ZNF236: variants seen among roughly 807,000 people sequenced by gnomAD.
ZNF236 encodes the protein regulated by glucose.
ZNF236 carries 50 observed loss-of-function variants against 191.2 expected under a neutral mutation model. That is an observed-to-expected ratio of 0.26 (90% CI 0.21 to 0.33). The LOEUF (loss-of-function observed/expected upper bound fraction) is 0.33. ZNF236 is among the 10% of genes least tolerant of loss of function. ZNF236 has a pLI of 1.00. For synonymous variants in ZNF236, 907 were observed against 928.8 expected, an observed-to-expected ratio of 0.98 and a Z score of 0.43; for missense variants, 1,754 against 2,374.5, an observed-to-expected ratio of 0.74 and a Z score of 5.43.
chr18:76,920,007 A>G lies in ZNF236; in HGVS notation c.3506A>G (p.Asn1169Ser), dbSNP rs1967488873. ...CTGCAGGACGAGCCCAAGCACGCCA[A>G]CTGCTGCACATACTGCCCCAAGAGC... ...AELQDEPKHA[N>S]CCTYCPKSFK... The change falls in exon 20 of 31, where the codon AAC (asparagine) becomes AGC (serine). Residue 1169 changes from asparagine to serine, a missense_variant. Physicochemically the swap from Asn to Ser is conservative, Grantham distance 46. Coordinates refer to ENST00000320610, the MANE Select transcript of ZNF236 (RefSeq NM_001306089.2). 1 of 1,613,344 alleles carries G rather than the reference A, an allele frequency of 6.2e-7. No individual in the cohort carries two copies. The highest frequency in any genetic ancestry group is 1.3e-5 in the African/African-American group (1 of 75,022).
At chr18:76,893,309 T>G (rs962889841) in intron 9 of ZNF236, among the ~76,000 whole-genome samples, 2 of 152,196 alleles carry the variant, frequency 1.3e-5, no homozygotes, top group Non-Finnish European at 2.9e-5. Flanking sequence ...TACCTGTTAA[T>G]TTTAAGCAGT....
intron 27 of ZNF236, among the ~76,000 whole-genome samples, chr18:76,952,997 G>A (rs925886841): frequency 1.3e-5 from 2 of 152,088 alleles, no homozygotes; most frequent in Non-Finnish European, 2.9e-5. Flanking sequence ...GGCTCACTTC[G>A]CTCTCTGGTG....
At chr18:76,829,888 T>C (rs1456468554) in intron 1 of ZNF236, among the ~76,000 whole-genome samples, 1 of 152,234 alleles carries the variant, frequency 6.6e-6, no homozygotes, top group East Asian at 1.9e-4. Context: ...TTTTTCTTTT[T>C]TGAGACGGAG....
At chr18:76,833,055 TGG>T (rs1321451474) in intron 1 of ZNF236, among the ~76,000 whole-genome samples, 1 of 152,212 alleles carries the variant, frequency 6.6e-6, no homozygotes, top group Non-Finnish European at 1.5e-5. Context: ...TTTTAAAAAT[TGG>T]TATTGTATCC....
intron 27 of ZNF236, among the ~76,000 whole-genome samples, chr18:76,949,117 CTCTT>C (rs1257423350): frequency 2.0e-5 from 3 of 152,140 alleles, no homozygotes; most frequent in African/African-American, 7.2e-5. Flanking sequence ...TTTTTAAGCT[CTCTT>C]TCTCATGATG....
Position 76,908,518 on chromosome 18 carries a change from G to A in ZNF236, c.2496G>A (p.Thr832=), listed in dbSNP as rs372650704. The change falls in exon 14 of 31, where the codon ACG becomes ACA. Residue 832 remains threonine (T), a synonymous_variant. Coordinates refer to ENST00000320610, the MANE Select transcript of ZNF236 (RefSeq NM_001306089.2). The part of the protein sequence containing the change: ...LDLEPQHVVG[T]EEAGLGQQLA... Reference sequence around the variant, plus strand: ...TGGAGCCTCAGCATGTGGTGGGCACGGAGGAAGCAGGGCTGGGCCAGCAGT... The same window carrying A: ...TGGAGCCTCAGCATGTGGTGGGCACAGAGGAAGCAGGGCTGGGCCAGCAGT... The A allele has an allele frequency of 9.5e-5, 153 of 1,613,612 alleles. 1 individual carries two copies. The highest frequency in any genetic ancestry group is 4.8e-4 in the African/African-American group (36 of 75,068).
intron 30 of ZNF236, among the ~76,000 whole-genome samples, chr18:76,961,560 C>T (rs1197683317): frequency 6.6e-6 from 1 of 152,048 alleles, no homozygotes; most frequent in Non-Finnish European, 1.5e-5. Context: ...TACTTATTTT[C>T]CTCTGGGTAG....
rs372928498 is a variant in ZNF236, at chr18:76,864,477, G to A, written c.364-4208G>A. The stretch of plus-strand genomic sequence containing the variant: ...GGCCTCCCAAAGTTCTGGGATTACA[G>A]GCGTGAGCCACCGCACCTGGCCAAC... On this transcript the variant is annotated intron_variant, in intron 3 of 30. Transcript: ENST00000320610. Among the ~76,000 whole-genome samples, 4 of 152,148 alleles carry A rather than the reference G, an allele frequency of 2.6e-5. No individual in the cohort carries two copies. In the South Asian group the frequency reaches 8.3e-4, roughly 32 times the overall value.
chr18:76,868,558 C>A, intron 3 of ZNF236, 127 bp from the exon 4 acceptor site: 1 of 682,862 alleles, frequency 1.5e-6, no homozygotes, highest in Non-Finnish European at 2.3e-6. Context: ...AGTATTAGAT[C>A]AAAATCAAGA....
rs762023416 is a variant in ZNF236 at position 76,960,497 on chromosome 18, A to C, written c.5243-182A>C. ...GCCCCATCTGCTGGGGGTCGTTAGG[A>C]CCTGGCCAGGCTCCCTCTGGTCTCC... On this transcript the variant is annotated intron_variant, in intron 29 of 30. Transcript: ENST00000320610. This position sits in a 1 kb window ranked among gnomAD's most constrained non-coding sequence, Gnocchi z 4.4. 6.6e-6 allele frequency among the ~76,000 whole-genome samples: 1 copy of C among 151,956 alleles called. No homozygotes were observed. The highest frequency in any genetic ancestry group is 1.5e-5 in the Non-Finnish European group (1 of 67,990).
chr18:76,943,888 G>A (rs369453787), intron 26 of ZNF236, among the ~76,000 whole-genome samples: 1 of 152,188 alleles, frequency 6.6e-6, no homozygotes, highest in Non-Finnish European at 1.5e-5. Flanking sequence ...AGTTTATTAA[G>A]AGTTGTGTAT....
intron 11 of ZNF236, 43 bp from the exon 12 acceptor site, chr18:76,904,337 A>G: frequency 6.4e-7 from 1 of 1,564,122 alleles, no homozygotes; most frequent in Non-Finnish European, 8.6e-7. Context: ...TTGTATTACT[A>G]GCATTGACAG....
At chr18:76,823,743 C>A (rs192635510) in intron 1 of ZNF236, among the ~76,000 whole-genome samples, 4 of 152,344 alleles carry the variant, frequency 2.6e-5, no homozygotes, top group African/African-American at 7.2e-5. Context: ...AGCCCCAGCC[C>A]GGAGCTTGAG....
intron 26 of ZNF236, 113 bp downstream of exon 26, chr18:76,937,456 T>C: frequency 9.6e-7 from 1 of 1,043,314 alleles, no homozygotes; most frequent in Non-Finnish European, 1.3e-6. Flanking sequence ...TTCCCCAAAA[T>C]CGAAGCATTT....
intron 21 of ZNF236, among the ~76,000 whole-genome samples, chr18:76,923,639 T>C (rs1222021008): frequency 6.6e-6 from 1 of 152,192 alleles, no homozygotes; most frequent in African/African-American, 2.4e-5. Flanking sequence ...TGTCTGTGCC[T>C]TTGCTTCTGG....
intron 5 of ZNF236, among the ~76,000 whole-genome samples, chr18:76,873,713 A>G (rs191979739): frequency 6.6e-5 from 10 of 152,310 alleles, no homozygotes; most frequent in Admixed American, 5.9e-4. Flanking sequence ...ACATTGCAGC[A>G]TCGTCATCTA....
intron 26 of ZNF236, among the ~76,000 whole-genome samples, chr18:76,940,766 A>G (rs1414584484): frequency 6.6e-6 from 1 of 152,194 alleles, no homozygotes; most frequent in Admixed American, 6.5e-5. Context: ...AGGATGTCCC[A>G]TGCCTTTTTT....
At chr18:76,900,756 TA>T (rs1977566526) in intron 11 of ZNF236, among the ~76,000 whole-genome samples, 1 of 152,164 alleles carries the variant, frequency 6.6e-6, no homozygotes, top group Admixed American at 6.6e-5. Context: ...AATATTTAAC[TA>T]AAAAAACTAG....
intron 14 of ZNF236, among the ~76,000 whole-genome samples, chr18:76,909,206 A>G (rs968693350): frequency 7.3e-5 from 11 of 151,422 alleles, no homozygotes; most frequent in Admixed American, 6.6e-4. Flanking sequence ...TCTCAGCTAC[A>G]TAGGAGGCTG....
Sources: gnomAD v4.1 joint callset for allele counts (sites outside exome capture counted in the v4.1 genomes callset) on GRCh38, gnomAD v4.1.1 for gene constraint, Gnocchi (gnomAD v3.1) non-coding constraint, MANE v1.5 for transcripts, NCBI Gene and HGNC (gene_info 2026-07-23, HGNC 2026-07-21) for gene names.